The following SCHIP1 variants were observed in gnomAD, a reference collection of about 807,000 sequenced individuals.
SCHIP1 encodes the protein schwannomin-interacting protein 1.
In SCHIP1, 8 loss-of-function variants were observed where a neutral mutation model predicts 29.7. The observed-to-expected ratio is 0.27, with a 90% CI of 0.16 to 0.49. The LOEUF (loss-of-function observed/expected upper bound fraction) is 0.49, where lower values mean the gene tolerates loss of function less well. SCHIP1 is among the 20% of genes least tolerant of loss of function. SCHIP1 has a pLI of 0.99. For missense variants in SCHIP1, 193 were observed against 294.6 expected, an observed-to-expected ratio of 0.66 and a Z score of 2.52; for synonymous variants, 76 against 94.9, an observed-to-expected ratio of 0.80 and a Z score of 1.16.
the SCHIP1 span, among the ~76,000 whole-genome samples, chr3:159,422,065 C>T: frequency 2.9e-3 from 435 of 152,234 alleles, no homozygotes; most frequent in African/African-American, 9.8e-3. Context: ...TATTTAGTTG[C>T]TAAATTTAAA....
the SCHIP1 span, among the ~76,000 whole-genome samples, chr3:159,294,238 C>T: frequency 1.3e-5 from 2 of 152,048 alleles, no homozygotes; most frequent in Non-Finnish European, 2.9e-5. Flanking sequence ...TTTGTTTTAG[C>T]AGGATAAGAA....
At chr3:159,483,406 A>G in the SCHIP1 span, among the ~76,000 whole-genome samples, 1 of 152,196 alleles carries the variant, frequency 6.6e-6, no homozygotes, top group Non-Finnish European at 1.5e-5. Context: ...TTGGCATGTG[A>G]CATTTGAACC....
At chr3:159,645,618 G>A in the SCHIP1 span, among the ~76,000 whole-genome samples, 1 of 152,118 alleles carries the variant, frequency 6.6e-6, no homozygotes. Flanking sequence ...TGCGGAGAAT[G>A]GATTGTGCAG....
At chr3:159,422,695 A>C in the SCHIP1 span, among the ~76,000 whole-genome samples, 1 of 152,138 alleles carries the variant, frequency 6.6e-6, no homozygotes. Context: ...ATGGAATCAT[A>C]CCTATGTACT....
chr3:159,697,845 A>G, the SCHIP1 span, among the ~76,000 whole-genome samples: 1 of 152,270 alleles, frequency 6.6e-6, no homozygotes, highest in Non-Finnish European at 1.5e-5. Context: ...TACAGTCCAA[A>G]AATTACCAAA....
the SCHIP1 span, among the ~76,000 whole-genome samples, chr3:159,653,243 T>C: frequency 6.6e-6 from 1 of 152,164 alleles, no homozygotes. Flanking sequence ...ACTGGGAATA[T>C]ACACAAAGGA....
chr3:159,491,196 A>C, the SCHIP1 span, among the ~76,000 whole-genome samples: 9 of 152,280 alleles, frequency 5.9e-5, no homozygotes, highest in East Asian at 1.4e-3. Flanking sequence ...AAAACGGGTA[A>C]TTTCTGCATT....
chr3:159,505,227 GA>G, the SCHIP1 span, among the ~76,000 whole-genome samples: 1 of 152,078 alleles, frequency 6.6e-6, no homozygotes, highest in African/African-American at 2.4e-5. Flanking sequence ...CAAAATTATT[GA>G]ATAAGTCAAT....
chr3:159,758,763 G>T, the SCHIP1 span, among the ~76,000 whole-genome samples: 1 of 152,186 alleles, frequency 6.6e-6, no homozygotes, highest in African/African-American at 2.4e-5. Flanking sequence ...TCCTGGAGGA[G>T]ACCTGTTGTA....
chr3:159,874,914 C>T (rs995921444), intron 2 of SCHIP1, among the ~76,000 whole-genome samples: 12 of 150,346 alleles, frequency 8.0e-5, no homozygotes, highest in African/African-American at 2.7e-4. Flanking sequence ...TAAAGATTTG[C>T]TTTAAAAACC....
At chr3:159,821,855 T>C in the SCHIP1 span, among the ~76,000 whole-genome samples, 3 of 152,174 alleles carry the variant, frequency 2.0e-5, no homozygotes, top group South Asian at 2.1e-4. Context: ...TGAGGGTCAC[T>C]TGGACACAGC....
the SCHIP1 span, among the ~76,000 whole-genome samples, chr3:159,413,135 T>A: frequency 1.3e-5 from 2 of 152,172 alleles, no homozygotes. Flanking sequence ...GTCACTATCA[T>A]GAGAACAGCA....
At chr3:159,451,378 A>G in the SCHIP1 span, among the ~76,000 whole-genome samples, 1 of 152,240 alleles carries the variant, frequency 6.6e-6, no homozygotes, top group African/African-American at 2.4e-5. Context: ...TGGATAAACC[A>G]CTTGAGAATC....
At chr3:159,545,896 G>A in the SCHIP1 span, among the ~76,000 whole-genome samples, 2 of 151,400 alleles carry the variant, frequency 1.3e-5, no homozygotes, top group Admixed American at 6.6e-5. Flanking sequence ...TTTCCAGTCT[G>A]GGGACTGAGC....
At chr3:159,857,378 C>T (rs1713510580) in intron 1 of SCHIP1, among the ~76,000 whole-genome samples, 1 of 152,158 alleles carries the variant, frequency 6.6e-6, no homozygotes, top group African/African-American at 2.4e-5. Context: ...CCCTTCTCCT[C>T]GCTAGTTGCC....
chr3:159,882,543 C>G (rs536081621), intron 2 of SCHIP1, among the ~76,000 whole-genome samples: 1 of 152,250 alleles, frequency 6.6e-6, no homozygotes, highest in East Asian at 1.9e-4. Flanking sequence ...AGAACAAAGG[C>G]CCAATTCATA....
At chr3:159,554,001 T>TGTGTGG in the SCHIP1 span, among the ~76,000 whole-genome samples, 1 of 126,192 alleles carries the variant, frequency 7.9e-6, no homozygotes, top group Non-Finnish European at 1.5e-5. Flanking sequence ...TGTGTGTGTG[T>TGTGTGG]GTGTGTGTGT....
the SCHIP1 span, among the ~76,000 whole-genome samples, chr3:159,809,275 A>G: frequency 2.6e-5 from 4 of 151,984 alleles, no homozygotes; most frequent in East Asian, 3.9e-4. Context: ...GCTTAGAATG[A>G]TGGTTCCAAG....
At chr3:159,720,315 C>T in the SCHIP1 span, among the ~76,000 whole-genome samples, 1 of 151,922 alleles carries the variant, frequency 6.6e-6, no homozygotes, top group South Asian at 2.1e-4. Flanking sequence ...AGCACACCAA[C>T]ATGGCACATG....
Sources: allele counts gnomAD v4.1 joint callset (sites outside exome capture counted in the v4.1 genomes callset), GRCh38; gene constraint gnomAD v4.1.1; transcripts MANE v1.5; gene names NCBI Gene and HGNC (gene_info 2026-07-23, HGNC 2026-07-21).